The following EP400 variants were observed in gnomAD, a reference collection of about 807,000 sequenced individuals.
The protein encoded by EP400 is E1A binding protein p400, also known as E1A-binding protein p400.
A neutral mutation model predicts 354.1 loss-of-function variants in EP400; 105 were observed. The ratio of observed to expected loss-of-function variants is 0.30; its 90% CI spans 0.25 to 0.35. The LOEUF (loss-of-function observed/expected upper bound fraction) is 0.35, where lower values mean the gene tolerates loss of function less well. Ranked by LOEUF, EP400 falls within the 10% of genes least tolerant of loss-of-function variation. The pLI, the probability that EP400 is intolerant of heterozygous loss-of-function variation, is 1.00. For missense variants in EP400, 3,280 were observed against 4,121.0 expected (o/e 0.80, Z 5.59); for synonymous variants, 1,646 against 1,716.9 (o/e 0.96, Z 1.02).
chr12:132,028,723 G>A lies in EP400; in HGVS notation c.5381+435G>A, dbSNP rs146676705. 2.6e-3 allele frequency among the ~76,000 whole-genome samples: 391 copies of A among 152,288 alleles called. 4 individuals are homozygous for A. Among genetic ancestry groups the A allele is most frequent in the Non-Finnish European group, 3.5e-3 (240 of 68,030 alleles). Reference sequence around the variant, plus strand: ...AGCAAATCTGAGCACCGGTGGGCACGGTGGGCACCCGGCCGCTCTCAACTG... The same window carrying A: ...AGCAAATCTGAGCACCGGTGGGCACAGTGGGCACCCGGCCGCTCTCAACTG... On this transcript the variant is annotated intron_variant, in intron 27 of 52. Coordinates refer to ENST00000389561, the MANE Select transcript of EP400 (RefSeq NM_015409.5).
At chr12:132,068,173 CTGGTG>C (rs752732867) in intron 50 of EP400, 1 of 152,582 alleles carries the variant, frequency 6.6e-6, no homozygotes, top group South Asian at 2.1e-4. Context: ...CTTCGGATGG[CTGGTG>C]TGGGCCCTCA....
Position 131,982,056 on chromosome 12 carries a change from G to C in EP400, c.1544-37G>C, listed in dbSNP as rs192674787. The C allele has an allele frequency of 7.7e-5, 116 of 1,499,798 alleles. No individual in the cohort carries two copies. In the Admixed American group the frequency reaches 2.5e-3, roughly 33 times the overall value. 92.9% of individuals were successfully genotyped at this position (1,499,798 alleles called of 1,614,324 possible). A position where few individuals can be genotyped will look rare whatever the true frequency, so the allele number is the denominator to read the frequency against. On this transcript the variant is annotated intron_variant, in intron 4 of 52. Coordinates refer to ENST00000389561, the MANE Select transcript of EP400 (RefSeq NM_015409.5). ...CTCATTGGTAGAAGCTGCCACACTT[G>C]GGAATCAGTGCTTTTGGCACTTTTC...
chr12:132,077,380 T>G, intron 52 of EP400, 21 bp from the exon 53 acceptor site: 1 of 1,600,810 alleles, frequency 6.2e-7, no homozygotes, highest in Non-Finnish European at 8.5e-7. Context: ...CAATGTGTGT[T>G]TTCTGACTCT....
At chr12:132,044,581 A>C in intron 35 of EP400, 90 bp from the exon 36 acceptor site, 1 of 1,486,962 alleles carries the variant, frequency 6.7e-7, no homozygotes, top group South Asian at 1.2e-5. Flanking sequence ...CTTATTTGAA[A>C]GACTTAATGA....
chr12:131,957,343 T>A (rs1555270402), intron 1 of EP400, among the ~76,000 whole-genome samples: 1 of 152,134 alleles, frequency 6.6e-6, no homozygotes, highest in Non-Finnish European at 1.5e-5. Context: ...TTTTAAACAT[T>A]TAAAAATTAT....
intron 51 of EP400, 26 bp from the exon 52 acceptor site, chr12:132,076,490 G>A (rs748887851): frequency 1.2e-5 from 20 of 1,612,802 alleles, no homozygotes; most frequent in Non-Finnish European, 1.5e-5. Context: ...TGAATTGTAT[G>A]TTTGGCTTTT....
At position 131,994,075 on chromosome 12, in the gene EP400, G is replaced by A. The variant is rs1003228431; in HGVS notation, c.2738-792G>A. ...AGAGGAGGGGATGGCCAGGCCTGTC[G>A]TGAGCCACCAGGGTGTCGAGTACAG... On this transcript the variant is annotated intron_variant, in intron 11 of 52. Transcript: ENST00000389561. The surrounding 1 kb of genome is among the most constrained non-coding windows in gnomAD (Gnocchi z 4.6). Among the ~76,000 whole-genome samples the A allele has an allele frequency of 1.3e-5, 2 of 152,160 alleles. No homozygotes were observed. The highest frequency in any genetic ancestry group is 2.9e-5 in the Non-Finnish European group (2 of 68,038).
Position 132,045,844 on chromosome 12 carries a change from TC to T in EP400, c.7146del (p.Lys2383AsnfsTer49). ...CTCCTGTAGCCGAATCTACCGCTCT[TC>T]CAAACAGTGCCGGAATCGCTACGAG... ...VNSCSRIYRS[S>X]KQCRNRYENV... On this transcript the variant is annotated frameshift_variant, in exon 39 of 53. Coordinates refer to ENST00000389561, the MANE Select transcript of EP400 (RefSeq NM_015409.5). LOFTEE classifies it high-confidence loss of function. The T allele has an allele frequency of 6.2e-7, 1 of 1,614,202 alleles. No individual in the cohort carries two copies.
In EP400 at chr12:132,069,633, C is replaced by G; in HGVS notation, c.9013C>G (p.Gln3005Glu). ...KLAGAQQVQT[Q>E]IQVAKLPQVV... ...GGCCGGGGCCCAGCAAGTGCAGACCCAGATCCAGGTGAGCGGGGAACAGGG... is the reference window on the plus strand; with the variant it reads ...GGCCGGGGCCCAGCAAGTGCAGACCGAGATCCAGGTGAGCGGGGAACAGGG... Residue 3005 changes from glutamine (Q) to glutamate (E), a missense_variant, in exon 51 of 53, where the codon CAG becomes GAG. Around this residue, in one of 20 missense-constraint regions of EP400, gnomAD observed 279 missense variants for 386.7 expected, o/e 0.72. Coordinates refer to ENST00000389561, the MANE Select transcript of EP400 (RefSeq NM_015409.5). 6.2e-7 allele frequency: 1 copy of G among 1,614,196 alleles called. No homozygotes were observed. Among genetic ancestry groups the G allele is most frequent in the Non-Finnish European group, 8.5e-7 (1 of 1,180,006 alleles).
chr12:132,022,537 A>G (rs1016019639), intron 23 of EP400, among the ~76,000 whole-genome samples: 3 of 152,214 alleles, frequency 2.0e-5, no homozygotes, highest in African/African-American at 7.2e-5. Flanking sequence ...CCATTGGGAA[A>G]TAAGTCTTTA....
At position 132,025,761 on chromosome 12, in the gene EP400, GC is replaced by G; in HGVS notation, c.4976del (p.Pro1659ArgfsTer10). ...CTGTGCACGGCGCCCTGGGAAGCAA[GC>G]CCCCGGCCGGCGGTCCCAGCCCTGC... Reference protein sequence around the residue: ...GAVHGALGSKPPAGGPSPAPL... With the variant: ...GAVHGALGSKXPAGGPSPAPL... On this transcript the variant is annotated frameshift_variant, in exon 25 of 53. Coordinates refer to ENST00000389561, the MANE Select transcript of EP400 (RefSeq NM_015409.5). LOFTEE classifies it high-confidence loss of function. The surrounding 1 kb of genome is among the most constrained non-coding windows in gnomAD (Gnocchi z 4.1). 1 of 1,611,888 alleles carries G rather than the reference GC, an allele frequency of 6.2e-7. No homozygotes were observed. The highest frequency in any genetic ancestry group is 8.5e-7 in the Non-Finnish European group (1 of 1,179,414).
In EP400 at chr12:132,053,179, C is replaced by G. The variant is rs200619169; in HGVS notation, c.7428C>G (p.Ile2476Met). The change falls in exon 42 of 53, where the codon ATC (isoleucine) becomes ATG (methionine). Residue 2476 changes from isoleucine to methionine, a missense_variant. This residue lies in a region of EP400 where 29 missense variants were observed against 86.0 expected (regional missense o/e 0.34). Transcript: ENST00000389561. ...GINYDKPLPP[I>M]QVASLRAERI... ...ACTATGACAAGCCGCTGCCTCCCATCCAGGTGGCATCTCTCCGTGCAGAGC... is the reference window on the plus strand; with the variant it reads ...ACTATGACAAGCCGCTGCCTCCCATGCAGGTGGCATCTCTCCGTGCAGAGC... 16 of 1,613,912 alleles carry G rather than the reference C, an allele frequency of 9.9e-6. No homozygotes were observed. Among genetic ancestry groups the G allele is most frequent in the Non-Finnish European group, 8.5e-7 (1 of 1,180,000 alleles).
In EP400 at chr12:132,069,595, A is replaced by G; in HGVS notation, c.8975A>G (p.Gln2992Arg). The change falls in exon 51 of 53, where the codon CAG (glutamine) becomes CGG (arginine). Residue 2992 changes from glutamine (Q) to arginine (R), a missense_variant. Gln to Arg is a conservative substitution (Grantham distance 43). Transcript: ENST00000389561. ...CAGTTTCTTACCACACCCATCTCCC[A>G]GGCCCAGAAACTGGCCGGGGCCCAG... ...KTQFLTTPIS[Q>R]AQKLAGAQQV... 1 of 1,614,242 alleles carries G rather than the reference A, an allele frequency of 6.2e-7. No individual in the cohort carries two copies.
intron 48 of EP400, chr12:132,066,479 T>C (rs1001323069): frequency 2.7e-6 from 1 of 366,484 alleles, no homozygotes; most frequent in African/African-American, 2.2e-5. Context: ...GGTTACTGGT[T>C]CAGGAGATGG....
chr12:131,970,567 T>C (rs1456665835), intron 2 of EP400, among the ~76,000 whole-genome samples: 1 of 152,174 alleles, frequency 6.6e-6, no homozygotes, highest in Non-Finnish European at 1.5e-5. Context: ...GGCCACAGAA[T>C]GGATGGGCTG....
At position 132,064,772 on chromosome 12, in the gene EP400, G is replaced by A; in HGVS notation, c.8439G>A (p.Val2813=). 5 of 1,613,302 alleles carry A rather than the reference G, an allele frequency of 3.1e-6. No individual in the cohort carries two copies. The highest frequency in any genetic ancestry group is 4.2e-6 in the Non-Finnish European group (5 of 1,179,896). The stretch of plus-strand genomic sequence containing the variant: ...CGCAGCCAACAGCCCAAGTGCAAGT[G>A]CAGACCTCGCAGCCGCCGCAGCAGC... ...APPQPTAQVQ[V]QTSQPPQQQS... is the part of the protein sequence containing the mutation. Residue 2813 remains valine (V), a synonymous_variant, in exon 48 of 53, where the codon GTG becomes GTA. Transcript: ENST00000389561.
rs1895258227 is a variant in EP400 at position 132,050,685 on chromosome 12, C to G, written c.7394+30C>G. ...TTCTCTATTCGTGACACATTTGTTA[C>G]TGTTTGGAAGGATTTCATTCCAGTG... On this transcript the variant is annotated intron_variant, in intron 41 of 52. Transcript: ENST00000389561. This position sits in a 1 kb window ranked among gnomAD's most constrained non-coding sequence, Gnocchi z 4.8. 1 of 1,613,676 alleles carries G rather than the reference C, an allele frequency of 6.2e-7. No individual in the cohort carries two copies. Among genetic ancestry groups the G allele is most frequent in the Non-Finnish European group, 8.5e-7 (1 of 1,179,584 alleles).
intron 51 of EP400, 73 bp downstream of exon 51, chr12:132,069,714 G>A (rs1475038382): frequency 3.8e-6 from 6 of 1,578,188 alleles, no homozygotes; most frequent in Non-Finnish European, 5.2e-6. Flanking sequence ...TGTCTCGCGG[G>A]CTTTGCGAGC....
chr12:132,067,173 T>A lies in EP400; in HGVS notation c.8750-189T>A. 8.6e-7 allele frequency: 1 copy of A among 1,165,780 alleles called. No individual in the cohort carries two copies. The highest frequency in any genetic ancestry group is 1.2e-6 in the Non-Finnish European group (1 of 838,162). The allele number at this position is 1,165,780 out of a possible 1,614,324, so 72.2% of individuals were successfully genotyped here. ...ATTGAACTGTTAACATTCTGAAATT[T>A]CCGTCTTAATTTAAGTGTAATTTGT... On this transcript the variant is annotated intron_variant, in intron 49 of 52. Transcript: ENST00000389561. The surrounding 1 kb of genome is among the most constrained non-coding windows in gnomAD (Gnocchi z 5.3).
Sources: allele counts gnomAD v4.1 joint callset (sites outside exome capture counted in the v4.1 genomes callset), GRCh38; gene constraint gnomAD v4.1.1; regional missense constraint gnomAD v4.1.1; non-coding constraint Gnocchi (gnomAD v3.1); transcripts MANE v1.5; gene names NCBI Gene and HGNC (gene_info 2026-07-23, HGNC 2026-07-21).